PLCB1: variants seen among roughly 807,000 people sequenced by gnomAD.
The protein encoded by PLCB1 is phospholipase C beta 1.
A neutral mutation model predicts 161.8 loss-of-function variants in PLCB1; 46 were observed. That is an observed-to-expected ratio of 0.28 (90% confidence interval 0.22 to 0.36). PLCB1 has a LOEUF of 0.36. Among genes scored for constraint, PLCB1 ranks in the 10% least tolerant of loss-of-function variants. PLCB1 has a pLI of 1.00. For missense variants in PLCB1, 1,016 were observed against 1,472.5 expected (o/e 0.69, Z 5.07); for synonymous variants, 517 against 503.7 (o/e 1.03, Z -0.35).
At chr20:8,458,134 G>T (rs2122674962) in intron 3 of PLCB1, among the ~76,000 whole-genome samples, 1 of 152,272 alleles carries the variant, frequency 6.6e-6, no homozygotes, top group African/African-American at 2.4e-5. Flanking sequence ...AGCAGATCTT[G>T]CTTCCTCCGG....
At chr20:8,330,475 C>G (rs1222409888) in intron 2 of PLCB1, among the ~76,000 whole-genome samples, 1 of 152,230 alleles carries the variant, frequency 6.6e-6, no homozygotes, top group African/African-American at 2.4e-5. Flanking sequence ...AAATGTTACA[C>G]CAGCTCACTG....
At chr20:8,136,782 T>C (rs933042103) in intron 1 of PLCB1, among the ~76,000 whole-genome samples, 1 of 152,172 alleles carries the variant, frequency 6.6e-6, no homozygotes, top group African/African-American at 2.4e-5. Flanking sequence ...TTATACTTTA[T>C]AATTTGGAGA....
At chr20:8,217,056 G>A (rs1298028436) in intron 2 of PLCB1, among the ~76,000 whole-genome samples, 1 of 151,908 alleles carries the variant, frequency 6.6e-6, no homozygotes, top group Admixed American at 6.6e-5. Context: ...CTGTGAGTGG[G>A]TACTGTGATG....
At chr20:8,271,683 C>A (rs1230573117) in intron 2 of PLCB1, among the ~76,000 whole-genome samples, 3 of 152,010 alleles carry the variant, frequency 2.0e-5, no homozygotes, top group Non-Finnish European at 2.9e-5. Flanking sequence ...AGTCTTGTCT[C>A]CAGAAACAAA....
chr20:8,608,858 A>G (rs1987828003), intron 3 of PLCB1, among the ~76,000 whole-genome samples: 1 of 152,206 alleles, frequency 6.6e-6, no homozygotes, highest in Admixed American at 6.5e-5. Flanking sequence ...TCACTATTTT[A>G]CCATAATCAG....
intron 2 of PLCB1, among the ~76,000 whole-genome samples, chr20:8,153,799 G>A (rs1278020881): frequency 2.0e-5 from 3 of 152,108 alleles, no homozygotes; most frequent in African/African-American, 7.2e-5. Context: ...GGAGCTTGGG[G>A]GAAGGGAAAA....
intron 12 of PLCB1, among the ~76,000 whole-genome samples, chr20:8,710,526 T>C (rs992800239): frequency 3.4e-5 from 5 of 145,982 alleles, no homozygotes; most frequent in African/African-American, 1.3e-4. Flanking sequence ...TTTTTTTTTT[T>C]TTTCTGAAGC....
chr20:8,276,644 A>G (rs1982560771), intron 2 of PLCB1, among the ~76,000 whole-genome samples: 1 of 152,104 alleles, frequency 6.6e-6, no homozygotes, highest in African/African-American at 2.4e-5. Flanking sequence ...CCAAAGCTCT[A>G]TTTGAGCTTT....
chr20:8,636,730 A>G (rs963021381), intron 4 of PLCB1, among the ~76,000 whole-genome samples: 7 of 152,292 alleles, frequency 4.6e-5, no homozygotes, highest in South Asian at 4.1e-4. Flanking sequence ...AGAGTGCTCA[A>G]TGGTGCCCAC....
intron 3 of PLCB1, among the ~76,000 whole-genome samples, chr20:8,412,951 G>C (rs1979107242): frequency 6.9e-6 from 1 of 145,640 alleles, no homozygotes; most frequent in African/African-American, 2.6e-5. Flanking sequence ...ATGATCATCT[G>C]TGACCAAAAA....
chr20:8,845,222 C>T (rs930381849), intron 31 of PLCB1, among the ~76,000 whole-genome samples: 5 of 152,066 alleles, frequency 3.3e-5, no homozygotes, highest in African/African-American at 1.2e-4. Flanking sequence ...ATTTTGGAGG[C>T]AGGAAAGATA....
At chr20:8,574,704 C>T (rs769081885) in intron 3 of PLCB1, among the ~76,000 whole-genome samples, 4 of 146,618 alleles carry the variant, frequency 2.7e-5, no homozygotes, top group Admixed American at 6.6e-5. Context: ...TGATCAAATA[C>T]AAGCCTCAGA....
rs139699376 is a variant in PLCB1 at position 8,175,756 on chromosome 20, A to G, written c.177+25385A>G. 1.6e-3 allele frequency among the ~76,000 whole-genome samples: 247 copies of G among 152,294 alleles called. 1 individual carries two copies. The highest frequency in any genetic ancestry group is 5.7e-3 in the African/African-American group (239 of 41,574). ...GAGAGAAAGTGTTTGTAAACCACATATCTGCCAAAGGACTTGTATCTAGAA... is the reference window on the plus strand; with the variant it reads ...GAGAGAAAGTGTTTGTAAACCACATGTCTGCCAAAGGACTTGTATCTAGAA... On this transcript the variant is annotated intron_variant, in intron 2 of 31. Coordinates refer to ENST00000338037, the MANE Select transcript of PLCB1 (RefSeq NM_015192.4).
chr20:8,411,162 A>G (rs190619951), intron 3 of PLCB1, among the ~76,000 whole-genome samples: 3 of 152,316 alleles, frequency 2.0e-5, no homozygotes, highest in Non-Finnish European at 4.4e-5. Flanking sequence ...CAGCAGCCAA[A>G]TTTAAAATGT....
intron 4 of PLCB1, among the ~76,000 whole-genome samples, chr20:8,640,117 T>C (rs1306787767): frequency 6.6e-6 from 1 of 152,230 alleles, no homozygotes; most frequent in Non-Finnish European, 1.5e-5. Context: ...ATAATTAAGG[T>C]AATTTAAAAC....
At chr20:8,243,305 A>G (rs1980712711) in intron 2 of PLCB1, among the ~76,000 whole-genome samples, 1 of 152,000 alleles carries the variant, frequency 6.6e-6, no homozygotes, top group Non-Finnish European at 1.5e-5. Context: ...CTTGCCTTAG[A>G]CTACAAATGC....
At chr20:8,210,811 G>A (rs1468894853) in intron 2 of PLCB1, among the ~76,000 whole-genome samples, 2 of 152,100 alleles carry the variant, frequency 1.3e-5, no homozygotes, top group Non-Finnish European at 1.5e-5. Flanking sequence ...CTTAGTTCAA[G>A]TGAACATGTT....
intron 2 of PLCB1, among the ~76,000 whole-genome samples, chr20:8,193,208 C>T (rs2051988174): frequency 6.6e-6 from 1 of 151,896 alleles, no homozygotes; most frequent in African/African-American, 2.4e-5. Flanking sequence ...TATAGGAGGG[C>T]AACTTGATGA....
intron 2 of PLCB1, among the ~76,000 whole-genome samples, chr20:8,222,256 T>C (rs936058829): frequency 2.0e-5 from 3 of 152,198 alleles, no homozygotes. Context: ...TAGCTTCCTT[T>C]AGCATTTGCC....
Sources: allele counts gnomAD v4.1 joint callset (sites outside exome capture counted in the v4.1 genomes callset), GRCh38; gene constraint gnomAD v4.1.1; transcripts MANE v1.5; gene names NCBI Gene and HGNC (gene_info 2026-07-23, HGNC 2026-07-21).